Variants in ARL1 observed in about 807,000 individuals in gnomAD.
ARL1 encodes ADP-ribosylation factor-like protein 1.
ARL1 carries 17 observed loss-of-function variants against 30.1 expected under a neutral mutation model. The ratio of observed to expected loss-of-function variants is 0.56; its 90% confidence interval spans 0.39 to 0.85. The LOEUF (loss-of-function observed/expected upper bound fraction) is 0.85. Among genes scored for constraint, ARL1 ranks in the 40% least tolerant of loss-of-function variants. The pLI, the probability that ARL1 is intolerant of heterozygous loss-of-function variation, is 0.00. For missense variants in ARL1, 102 were observed against 212.6 expected (o/e 0.48, Z 3.24); for synonymous variants, 58 against 71.7 (o/e 0.81, Z 0.97).
intron 3 of ARL1, among the ~76,000 whole-genome samples, chr12:101,401,696 G>A (rs1047581005): frequency 2.0e-5 from 3 of 150,596 alleles, no homozygotes; most frequent in African/African-American, 7.3e-5. Flanking sequence ...CAGGACCAGG[G>A]AGTTTCCAAA....
chr12:101,396,769 A>G (rs894245330), intron 4 of ARL1, among the ~76,000 whole-genome samples, 192 bp from the exon 5 acceptor site: 2 of 152,162 alleles, frequency 1.3e-5, no homozygotes, highest in African/African-American at 4.8e-5. Flanking sequence ...AAATATGATC[A>G]CTGTTAACAT....
intron 5 of ARL1, 113 bp downstream of exon 5, chr12:101,396,286 C>A (rs1231916537): frequency 7.4e-7 from 1 of 1,358,702 alleles, no homozygotes; most frequent in South Asian, 1.2e-5. Context: ...ATGAAATAAG[C>A]TGCTAAGTAA....
Position 101,407,442 on chromosome 12 carries a change from G to A in ARL1, c.4+200C>T, listed in dbSNP as rs1448623510. ...GACCCCGCAGGAATCAAGGGGAACC[G>A]AGAGAGGACGGAGGAGAACGCGAGA... On this transcript the variant is annotated intron_variant, in intron 1 of 5. Coordinates refer to ENST00000261636, the MANE Select transcript of ARL1 (RefSeq NM_001177.6). 5 of 635,772 alleles carry A rather than the reference G, an allele frequency of 7.9e-6. No individual in the cohort carries two copies. In the East Asian group the frequency reaches 1.2e-4, roughly 15 times the overall value. The allele number at this position is 635,772 out of a possible 1,614,324, so 39.4% of individuals were successfully genotyped here.
In ARL1 at chr12:101,394,929, A is replaced by T; in HGVS notation, c.*711T>A. The stretch of plus-strand genomic sequence containing the variant: ...GCTAGCAGGTGACCTTGGGCAAGCC[A>T]ACCTATTAGAACCCTGGGTTCACGT... On this transcript the variant is annotated 3_prime_UTR_variant, in exon 6 of 6. Transcript: ENST00000261636. 1 of 152,172 alleles carries T rather than the reference A, an allele frequency of 6.6e-6. No individual in the cohort carries two copies. Among genetic ancestry groups the T allele is most frequent in the East Asian group, 1.9e-4 (1 of 5,200 alleles). The allele number at this position is 152,172 out of a possible 1,614,324, so 9.4% of individuals were successfully genotyped here.
At chr12:101,403,017 G>C in intron 2 of ARL1, 71 bp from the exon 3 acceptor site, 1 of 931,198 alleles carries the variant, frequency 1.1e-6, no homozygotes, top group Non-Finnish European at 1.6e-6. Flanking sequence ...CTATCTAATT[G>C]AGTTACAGCA....
At chr12:101,399,426 C>T (rs1025298114) in intron 4 of ARL1, among the ~76,000 whole-genome samples, 4 of 147,862 alleles carry the variant, frequency 2.7e-5, no homozygotes, top group Admixed American at 6.8e-5. Context: ...ACAGAAGAAT[C>T]GCTTGAACCC....
chr12:101,407,550 G>A lies in ARL1; in HGVS notation c.4+92C>T, dbSNP rs1239778213. The stretch of plus-strand genomic sequence containing the variant: ...CCCCCTGAGGAGCTGGCTACTCTAG[G>A]GTATCCTGGCCGGCCCCTCTCCTCC... On this transcript the variant is annotated intron_variant, in intron 1 of 5. Coordinates refer to ENST00000261636, the MANE Select transcript of ARL1 (RefSeq NM_001177.6). 2.6e-6 allele frequency: 4 copies of A among 1,559,470 alleles called. No homozygotes were observed. The African/African-American group carries it at 4.1e-5, about 16-fold the overall frequency.
rs549050067 is a variant in ARL1, at chr12:101,395,532, G to C, written c.*108C>G. ...CAAATATTGCAGTCAGTCAGTATAT[G>C]CCAATAATCATATAGTTTTAACATC... is the stretch of plus-strand genomic sequence containing the variant. On this transcript the variant is annotated 3_prime_UTR_variant, in exon 6 of 6. Transcript: ENST00000261636. 4.5e-6 allele frequency: 4 copies of C among 887,658 alleles called. No individual in the cohort carries two copies. The South Asian group carries it at 6.6e-5, about 15-fold the overall frequency. 55.0% of individuals were successfully genotyped at this position (887,658 alleles called of 1,614,324 possible). A position where few individuals can be genotyped will look rare whatever the true frequency, so the allele number is the denominator to read the frequency against.
chr12:101,400,923 G>A (rs1871288712), intron 4 of ARL1, 139 bp downstream of exon 4: 1 of 641,362 alleles, frequency 1.6e-6, no homozygotes, highest in Non-Finnish European at 2.6e-6. Context: ...CTGTATTTTT[G>A]GAATAGAAAA....
chr12:101,401,231 A>G (rs17500203), intron 3 of ARL1, 58 bp from the exon 4 acceptor site: 8 of 1,177,366 alleles, frequency 6.8e-6, no homozygotes, highest in South Asian at 2.6e-5. Flanking sequence ...AGAAACTGAC[A>G]TATCAATTGC....
rs1393805299 is a variant in ARL1 at position 101,394,322 on chromosome 12, G to A, written c.*1318C>T. The A allele has an allele frequency of 1.3e-5, 2 of 152,186 alleles. No homozygotes were observed. Among genetic ancestry groups the A allele is most frequent in the Admixed American group, 1.3e-4 (2 of 15,270 alleles). The allele number at this position is 152,186 out of a possible 1,614,324, so 9.4% of individuals were successfully genotyped here. A position where few individuals can be genotyped will look rare whatever the true frequency, so the allele number is the denominator to read the frequency against. ...CTCATTACCAGCACCTAATTTTTTAGAGGCTGGTTTTCCAACTTAAGTGAA... is the reference window on the plus strand; with the variant it reads ...CTCATTACCAGCACCTAATTTTTTAAAGGCTGGTTTTCCAACTTAAGTGAA... On this transcript the variant is annotated 3_prime_UTR_variant, in exon 6 of 6. Transcript: ENST00000261636.
intron 3 of ARL1, among the ~76,000 whole-genome samples, chr12:101,402,090 A>G (rs1446870251): frequency 6.6e-6 from 1 of 152,214 alleles, no homozygotes; most frequent in Non-Finnish European, 1.5e-5. Flanking sequence ...ATCGTGACCA[A>G]CTACTGACGG....
At chr12:101,398,268 C>T (rs188718527) in intron 4 of ARL1, among the ~76,000 whole-genome samples, 14 of 151,442 alleles carry the variant, frequency 9.2e-5, no homozygotes, top group Admixed American at 2.6e-4. Context: ...TGGTGGTGTG[C>T]GCTTGCAATC....
Position 101,401,119 on chromosome 12 carries a change from G to C in ARL1, c.279C>G (p.Asp93Glu). 6.2e-7 allele frequency: 1 copy of C among 1,613,808 alleles called. No individual in the cohort carries two copies. Among genetic ancestry groups the C allele is most frequent in the Non-Finnish European group, 8.5e-7 (1 of 1,179,846 alleles). Reference sequence around the variant, plus strand: ...TGCCAATTCGGTCTCGGTCACAACTGTCTACTACATAAATGACTGCATCTG... The same window carrying C: ...TGCCAATTCGGTCTCGGTCACAACTCTCTACTACATAAATGACTGCATCTG... ...SNTDAVIYVV[D>E]SCDRDRIGIS... Residue 93 changes from aspartate (D) to glutamate (E), a missense_variant, in exon 4 of 6, where the codon GAC becomes GAG. Asp to Glu is a conservative substitution (Grantham distance 45). Coordinates refer to ENST00000261636, the MANE Select transcript of ARL1 (RefSeq NM_001177.6).
Position 101,405,890 on chromosome 12 carries a change from T to G in ARL1, c.96A>C (p.Thr32=). 1 of 1,566,330 alleles carries G rather than the reference T, an allele frequency of 6.4e-7. No homozygotes were observed. The highest frequency in any genetic ancestry group is 8.7e-7 in the Non-Finnish European group (1 of 1,153,690). ...CTCCCACTTGTAATCTGTACAAAAT[T>G]GTGGTTTTTCCTGCTCCATCTAATC... is the stretch of plus-strand genomic sequence containing the variant. ...ILGLDGAGKT[T]ILYRLQVGEV... The change falls in exon 2 of 6, where the codon ACA becomes ACC. Residue 32 remains threonine, a synonymous_variant. Transcript: ENST00000261636.
chr12:101,407,655 C>G lies in ARL1; in HGVS notation c.-10G>C. 1 of 1,612,322 alleles carries G rather than the reference C, an allele frequency of 6.2e-7. No individual in the cohort carries two copies. On this transcript the variant is annotated 5_prime_UTR_variant, in exon 1 of 6. Coordinates refer to ENST00000261636, the MANE Select transcript of ARL1 (RefSeq NM_001177.6). ...CGAACCCCTCACCCATGATGAACCC[C>G]CTGTCCTCCCTCGCCGATCTTCAGT...
chr12:101,394,698 A>G lies in ARL1; in HGVS notation c.*942T>C, dbSNP rs1871098166. 1 of 152,140 alleles carries G rather than the reference A, an allele frequency of 6.6e-6. No homozygotes were observed. The highest frequency in any genetic ancestry group is 6.6e-5 in the Admixed American group (1 of 15,254). The allele number at this position is 152,140 out of a possible 1,614,324, so 9.4% of individuals were successfully genotyped here. On this transcript the variant is annotated 3_prime_UTR_variant, in exon 6 of 6. Coordinates refer to ENST00000261636, the MANE Select transcript of ARL1 (RefSeq NM_001177.6). The stretch of plus-strand genomic sequence containing the variant: ...ATTCTATCAAATATAACCATTTAGG[A>G]TTATTTATAGTATGTCACTGATCAC...
rs1227558491 is a variant in ARL1, at chr12:101,397,496, C to CT, written c.337-920dup. Among the ~76,000 whole-genome samples the CT allele has an allele frequency of 8.0e-4, 116 of 144,926 alleles. 1 individual carries two copies. Among genetic ancestry groups the CT allele is most frequent in the South Asian group, 1.1e-3 (5 of 4,508 alleles). On this transcript the variant is annotated intron_variant, in intron 4 of 5. Transcript: ENST00000261636. ...TAGGGGACAGAGGGAGACCCTGTCT[C>CT]TTTTTTTTTTTTCTTTTTTTAAGAC... is the stretch of plus-strand genomic sequence containing the variant.
In ARL1 at chr12:101,395,443, A is replaced by G; in HGVS notation, c.*197T>C. 1.9e-6 allele frequency: 1 copy of G among 540,012 alleles called. No homozygotes were observed. Among genetic ancestry groups the G allele is most frequent in the Non-Finnish European group, 3.3e-6 (1 of 303,802 alleles). 33.5% of individuals were successfully genotyped at this position (540,012 alleles called of 1,614,324 possible). On this transcript the variant is annotated 3_prime_UTR_variant, in exon 6 of 6. Transcript: ENST00000261636. ...AAGAAAAGAATATTTTACATTACAT[A>G]GAACATTCAGGTGATTCGATCAAAT...
Sources: gnomAD v4.1 joint callset for allele counts (sites outside exome capture counted in the v4.1 genomes callset) on GRCh38, gnomAD v4.1.1 for gene constraint, MANE v1.5 for transcripts, NCBI Gene and HGNC (gene_info 2026-07-23, HGNC 2026-07-21) for gene names.